PSMD1: variants seen among roughly 807,000 people sequenced by gnomAD.
PSMD1 encodes proteasome 26S subunit, non-ATPase 1, also known as 26S proteasome non-ATPase regulatory subunit 1.
PSMD1 carries 18 observed loss-of-function variants against 119.0 expected under a neutral mutation model. The observed-to-expected ratio is 0.15, with a 90% CI of 0.10 to 0.22. PSMD1 has a LOEUF of 0.22. Among genes scored for constraint, PSMD1 ranks in the 10% least tolerant of loss-of-function variants. The probability of loss-of-function intolerance (pLI) is 1.00; values close to 1 mark genes in which losing one functional copy is unlikely to be tolerated. For synonymous variants in PSMD1, 374 were observed against 396.6 expected, an observed-to-expected ratio of 0.94 and a Z score of 0.68; for missense variants, 702 against 1,158.5, an observed-to-expected ratio of 0.61 and a Z score of 5.72.
Position 231,066,998 on chromosome 2 carries a change from A to G in PSMD1, c.397A>G (p.Ile133Val). ...ACCAATTGACCAGAGATTGGAAGGC[A>G]TCGTAAATAAAATGTTCCAGCGATG... ...KKPIDQRLEG[I>V]VNKMFQRCLD... Residue 133 changes from isoleucine (I) to valine (V), a missense_variant, in exon 5 of 25, where the codon ATC becomes GTC. Around this residue, in one of 9 missense-constraint regions of PSMD1, gnomAD observed 50 missense variants for 41.8 expected, o/e 1.20. Coordinates refer to ENST00000308696, the MANE Select transcript of PSMD1 (RefSeq NM_002807.4). 2 of 1,613,752 alleles carry G rather than the reference A, an allele frequency of 1.2e-6. No individual in the cohort carries two copies. Among genetic ancestry groups the G allele is most frequent in the Non-Finnish European group, 1.7e-6 (2 of 1,179,876 alleles).
intron 13 of PSMD1, 22 bp downstream of exon 13, chr2:231,083,016 TAACA>T: frequency 6.6e-7 from 1 of 1,523,640 alleles, no homozygotes. Flanking sequence ...TTTCTAAAGC[TAACA>T]AGCTTAAGTA....
At chr2:231,078,790 T>C in intron 10 of PSMD1, 43 bp downstream of exon 10, 1 of 1,117,286 alleles carries the variant, frequency 9.0e-7, no homozygotes, top group Non-Finnish European at 1.3e-6. Flanking sequence ...AAAATCTTTT[T>C]CTTTTTTTTT....
chr2:231,094,625 G>C (rs1694682400), intron 16 of PSMD1, among the ~76,000 whole-genome samples: 1 of 152,166 alleles, frequency 6.6e-6, no homozygotes, highest in South Asian at 2.1e-4. Flanking sequence ...TCCAGAATGA[G>C]TAAGGGAATT....
intron 16 of PSMD1, among the ~76,000 whole-genome samples, chr2:231,123,102 CT>C (rs1695602417): frequency 6.6e-6 from 1 of 151,920 alleles, no homozygotes; most frequent in Non-Finnish European, 1.5e-5. Flanking sequence ...AAGTATAGGC[CT>C]ATTTACTATA....
intron 16 of PSMD1, among the ~76,000 whole-genome samples, chr2:231,095,897 A>G (rs185698662): frequency 1.2e-3 from 184 of 152,204 alleles, no homozygotes; most frequent in Admixed American, 3.5e-3. Context: ...CTGTTTGACA[A>G]TTCTATATGG....
intron 16 of PSMD1, among the ~76,000 whole-genome samples, chr2:231,111,449 C>T (rs1375765570): frequency 6.6e-6 from 1 of 152,134 alleles, no homozygotes; most frequent in Non-Finnish European, 1.5e-5. Context: ...CTTTCCTATC[C>T]AGCTTGTTGG....
intron 8 of PSMD1, among the ~76,000 whole-genome samples, chr2:231,076,599 A>G (rs1574710767): frequency 6.6e-6 from 1 of 152,136 alleles, no homozygotes; most frequent in Admixed American, 6.5e-5. Context: ...GGTTGCAGTG[A>G]GCCAAGATTG....
chr2:231,130,733 A>G (rs762957382), intron 16 of PSMD1, among the ~76,000 whole-genome samples: 4 of 152,240 alleles, frequency 2.6e-5, no homozygotes, highest in Non-Finnish European at 5.9e-5. Context: ...GAATGCTGGG[A>G]TTACAGGCAT....
Position 231,108,409 on chromosome 2 carries a change from A to G in PSMD1, c.1883+21228A>G, listed in dbSNP as rs924551696. On this transcript the variant is annotated intron_variant, in intron 16 of 24. Transcript: ENST00000308696. ...AATACTTACATCTTAGGTTAAAGAG[A>G]TGATTTGATATATGACATAAAATTC... The G allele has an allele frequency of 1.8e-5, 14 of 784,030 alleles. No homozygotes were observed. The African/African-American group carries it at 2.4e-4, about 14-fold the overall frequency. The allele number at this position is 784,030 out of a possible 1,614,324, so 48.6% of individuals were successfully genotyped here.
At chr2:231,168,521 T>TTA (rs775072807) in intron 23 of PSMD1, among the ~76,000 whole-genome samples, 2 of 152,234 alleles carry the variant, frequency 1.3e-5, no homozygotes, top group Non-Finnish European at 2.9e-5. Flanking sequence ...CTTGAAAACA[T>TTA]TATTTTAAGT....
chr2:231,086,312 T>G (rs1694438886), intron 15 of PSMD1, among the ~76,000 whole-genome samples: 1 of 152,214 alleles, frequency 6.6e-6, no homozygotes, highest in South Asian at 2.1e-4. Flanking sequence ...TCAAAAGTGC[T>G]AGGATTACAG....
Position 231,170,663 on chromosome 2 carries a change from A to G in PSMD1, c.2813A>G (p.Glu938Gly). 1 of 1,614,106 alleles carries G rather than the reference A, an allele frequency of 6.2e-7. No homozygotes were observed. Among genetic ancestry groups the G allele is most frequent in the Non-Finnish European group, 8.5e-7 (1 of 1,179,992 alleles). The change falls in exon 24 of 25, where the codon GAG becomes GGG. Residue 938 changes from glutamate (E) to glycine (G), a missense_variant. Glu to Gly is a moderately conservative substitution (Grantham distance 98). This residue lies in a region of PSMD1 where 152 missense variants were observed against 239.3 expected (regional missense o/e 0.64). Coordinates refer to ENST00000308696, the MANE Select transcript of PSMD1 (RefSeq NM_002807.4). The surrounding 1 kb of genome is among the most constrained non-coding windows in gnomAD (Gnocchi z 4.1). Reference protein sequence around the residue: ...VAAHGPKIEEEEQEPEPPEPF... With the variant: ...VAAHGPKIEEGEQEPEPPEPF... ...GCACATGGCCCAAAAATCGAGGAGG[A>G]GGAACAAGAGCCAGAACCCCCAGAA...
At chr2:231,069,908 C>A in intron 5 of PSMD1, 117 bp from the exon 6 acceptor site, 1 of 816,978 alleles carries the variant, frequency 1.2e-6, no homozygotes, top group South Asian at 5.2e-5. Flanking sequence ...CTTAAGAGGT[C>A]TAAATAATTG....
intron 16 of PSMD1, among the ~76,000 whole-genome samples, chr2:231,135,208 G>A (rs1186873769): frequency 6.6e-6 from 1 of 152,154 alleles, no homozygotes; most frequent in African/African-American, 2.4e-5. Context: ...ACAAGTTTTA[G>A]AATAACTTTT....
At position 231,123,448 on chromosome 2, in the gene PSMD1, A is replaced by G. The variant is rs759910152; in HGVS notation, c.1884-15288A>G. On this transcript the variant is annotated intron_variant, in intron 16 of 24. Transcript: ENST00000308696. The stretch of plus-strand genomic sequence containing the variant: ...TGTCAAGAGGGCAATTGGCATCACA[A>G]ACAATCCAACCAGCAAATCAGCCAC... 6.8e-6 allele frequency: 11 copies of G among 1,614,042 alleles called. No homozygotes were observed. In the East Asian group the frequency reaches 2.0e-4, roughly 29 times the overall value.
At chr2:231,117,929 G>A (rs1281047509) in intron 16 of PSMD1, among the ~76,000 whole-genome samples, 1 of 152,082 alleles carries the variant, frequency 6.6e-6, no homozygotes, top group African/African-American at 2.4e-5. Context: ...TATAAATGTT[G>A]GTTCTGTATG....
intron 1 of PSMD1, among the ~76,000 whole-genome samples, chr2:231,057,775 A>G (rs1693642884): frequency 6.6e-6 from 1 of 152,254 alleles, no homozygotes; most frequent in Non-Finnish European, 1.5e-5. Context: ...ACGTAGTGAC[A>G]TTTGCAATGG....
chr2:231,141,137 G>A (rs1384180207), intron 17 of PSMD1, among the ~76,000 whole-genome samples: 1 of 152,098 alleles, frequency 6.6e-6, no homozygotes, highest in East Asian at 1.9e-4. Context: ...GCAAGAGCCT[G>A]TCTCTACTAA....
intron 7 of PSMD1, among the ~76,000 whole-genome samples, chr2:231,073,090 T>C (rs1415221062): frequency 6.6e-6 from 1 of 151,692 alleles, no homozygotes; most frequent in East Asian, 1.9e-4. Flanking sequence ...GAATAGGGAG[T>C]CCCAAGGAGA....
Sources: gnomAD v4.1 joint callset for allele counts (sites outside exome capture counted in the v4.1 genomes callset) on GRCh38, gnomAD v4.1.1 for gene constraint, gnomAD v4.1.1 regional missense constraint, Gnocchi (gnomAD v3.1) non-coding constraint, MANE v1.5 for transcripts, NCBI Gene and HGNC (gene_info 2026-07-23, HGNC 2026-07-21) for gene names.